Variants in PRDM7 observed in about 807,000 individuals in gnomAD.
PRDM7 encodes the protein histone-lysine N-methyltransferase PRDM7.
In PRDM7, 52 loss-of-function variants were observed where a neutral mutation model predicts 64.3. The observed-to-expected ratio is 0.81, with a 90% CI of 0.65 to 1.02. The LOEUF (loss-of-function observed/expected upper bound fraction) is 1.02, where lower values mean the gene tolerates loss of function less well. PRDM7 is among the 50% of genes least tolerant of loss of function. The pLI is 0.00. For missense variants in PRDM7, 574 were observed against 597.1 expected (o/e 0.96, Z 0.40); for synonymous variants, 192 against 210.1 (o/e 0.91, Z 0.74).
chr16:90,070,893 A>G (rs2037946760), intron 4 of PRDM7, among the ~76,000 whole-genome samples: 1 of 152,266 alleles, frequency 6.6e-6, no homozygotes. Context: ...TCAAAAGAAG[A>G]TACATAAATG....
At chr16:90,073,402 AT>A (rs536683798) in intron 4 of PRDM7, among the ~76,000 whole-genome samples, 247 of 141,594 alleles carry the variant, frequency 1.7e-3, no homozygotes, top group South Asian at 3.2e-3. Flanking sequence ...AAGAATGACA[AT>A]TTTTTTTTTT....
At chr16:90,061,825 C>A in intron 8 of PRDM7, 96 bp downstream of exon 8, 1 of 1,559,920 alleles carries the variant, frequency 6.4e-7, no homozygotes, top group Admixed American at 1.7e-5. Flanking sequence ...CCATGTTATC[C>A]CTACCTATAT....
At chr16:90,072,952 A>G (rs1410048022) in intron 4 of PRDM7, among the ~76,000 whole-genome samples, 5 of 152,208 alleles carry the variant, frequency 3.3e-5, no homozygotes, top group Non-Finnish European at 2.9e-5. Context: ...TCGTAGACCC[A>G]ATCCAAGTTG....
At chr16:90,074,412 A>C (rs1479526363) in intron 4 of PRDM7, among the ~76,000 whole-genome samples, 1 of 151,736 alleles carries the variant, frequency 6.6e-6, no homozygotes, top group Non-Finnish European at 1.5e-5. Flanking sequence ...CCCCATCTCT[A>C]CAAAAAATAC....
Position 90,075,578 on chromosome 16 carries a change from T to A in PRDM7, c.70-104A>T. 6.3e-7 allele frequency: 1 copy of A among 1,577,152 alleles called. No homozygotes were observed. The highest frequency in any genetic ancestry group is 2.2e-5 in the East Asian group (1 of 44,640). On this transcript the variant is annotated intron_variant, in intron 2 of 10. Transcript: ENST00000449207. The surrounding 1 kb of genome is among the most constrained non-coding windows in gnomAD (Gnocchi z 4.3). The stretch of plus-strand genomic sequence containing the variant: ...GCATAGCCTGGGGCCTCTGGGAGTC[T>A]CTGTGAAACATAAAGACCTTCCCTC...
chr16:90,073,973 A>C (rs2037998444), intron 4 of PRDM7, among the ~76,000 whole-genome samples: 1 of 151,804 alleles, frequency 6.6e-6, no homozygotes, highest in South Asian at 2.1e-4. Flanking sequence ...TTTAATAGAG[A>C]TGGGGTTTCA....
chr16:90,070,571 TGA>T (rs1223548801), intron 4 of PRDM7, among the ~76,000 whole-genome samples: 1 of 151,018 alleles, frequency 6.6e-6, no homozygotes, highest in East Asian at 1.9e-4. Context: ...GGCAACAGAA[TGA>T]GGCTGTCTAA....
chr16:90,063,320 C>T (rs1460004096), intron 6 of PRDM7, among the ~76,000 whole-genome samples: 1 of 152,086 alleles, frequency 6.6e-6, no homozygotes, highest in Admixed American at 6.5e-5. Context: ...CACCTATAAT[C>T]CCAGCTACTC....
intron 9 of PRDM7, 98 bp from the exon 10 acceptor site, chr16:90,060,721 T>C: frequency 6.5e-7 from 1 of 1,545,370 alleles, no homozygotes; most frequent in Non-Finnish European, 8.9e-7. Flanking sequence ...TTCCCTGCTG[T>C]GCCTAATCAG....
At chr16:90,073,125 A>G (rs1244299021) in intron 4 of PRDM7, among the ~76,000 whole-genome samples, 1 of 152,232 alleles carries the variant, frequency 6.6e-6, no homozygotes, top group Non-Finnish European at 1.5e-5. Flanking sequence ...GATCAGGGCA[A>G]CTAAACAGCT....
chr16:90,071,318 A>G (rs997071941), intron 4 of PRDM7, among the ~76,000 whole-genome samples: 8 of 152,106 alleles, frequency 5.3e-5, no homozygotes, highest in African/African-American at 1.9e-4. Flanking sequence ...TTTAGTAGAG[A>G]TGGGGTTTTG....
Position 90,057,736 on chromosome 16 carries a change from G to A in PRDM7, c.*553C>T. ...CACTCTCGGGGAATGTAAGGGGTTAGCAGACTTTCGCTGAAGCCACCTCAG... is the reference window on the plus strand; with the variant it reads ...CACTCTCGGGGAATGTAAGGGGTTAACAGACTTTCGCTGAAGCCACCTCAG... On this transcript the variant is annotated 3_prime_UTR_variant, in exon 11 of 11. Coordinates refer to ENST00000449207, the MANE Select transcript of PRDM7 (RefSeq NM_001098173.2). 2.4e-6 allele frequency: 3 copies of A among 1,263,002 alleles called. No individual in the cohort carries two copies. Among genetic ancestry groups the A allele is most frequent in the Non-Finnish European group, 3.1e-6 (3 of 975,580 alleles). 78.2% of individuals were successfully genotyped at this position (1,263,002 alleles called of 1,614,324 possible).
At chr16:90,063,879 T>A in intron 5 of PRDM7, 111 bp from the exon 6 acceptor site, 1 of 1,318,552 alleles carries the variant, frequency 7.6e-7, no homozygotes, top group Non-Finnish European at 1.1e-6. Flanking sequence ...TGGAAATACC[T>A]AGAGTGTCTA....
At chr16:90,069,539 G>A (rs181454109) in intron 4 of PRDM7, among the ~76,000 whole-genome samples, 2 of 151,342 alleles carry the variant, frequency 1.3e-5, no homozygotes, top group Admixed American at 1.3e-4. Context: ...CTTCTGTGTA[G>A]CAAAGAAAAC....
At chr16:90,067,339 C>A (rs1240711366) in intron 4 of PRDM7, among the ~76,000 whole-genome samples, 1 of 150,904 alleles carries the variant, frequency 6.6e-6, no homozygotes, top group Non-Finnish European at 1.5e-5. Flanking sequence ...TATCCAAGGG[C>A]AATTTGGAAA....
rs1421230095 is a variant in PRDM7, at chr16:90,072,168, T to A, written c.301+2748A>T. ...ATGGCGTGAACCCGGGAGTCAGAGC[T>A]TGCAGTGAGCCGAGATTGCGCCACT... On this transcript the variant is annotated intron_variant, in intron 4 of 10. Coordinates refer to ENST00000449207, the MANE Select transcript of PRDM7 (RefSeq NM_001098173.2). Among the ~76,000 whole-genome samples the A allele has an allele frequency of 2.0e-5, 3 of 151,890 alleles. No individual in the cohort carries two copies. In the East Asian group the frequency reaches 5.8e-4, roughly 29 times the overall value.
chr16:90,061,832 A>G (rs1313505052), intron 8 of PRDM7, 89 bp downstream of exon 8: 6 of 1,573,476 alleles, frequency 3.8e-6, no homozygotes, highest in African/African-American at 1.4e-5. Flanking sequence ...ATCCCTACCT[A>G]TATCCTAACA....
chr16:90,074,565 G>C (rs1182146066), intron 4 of PRDM7, among the ~76,000 whole-genome samples: 4 of 151,398 alleles, frequency 2.6e-5, no homozygotes, highest in Admixed American at 6.6e-5. Flanking sequence ...GACAGAGCAA[G>C]ACTCTGTCTT....
At chr16:90,064,619 G>A (rs1361491239) in intron 5 of PRDM7, among the ~76,000 whole-genome samples, 3 of 143,588 alleles carry the variant, frequency 2.1e-5, no homozygotes, top group African/African-American at 5.7e-5. Flanking sequence ...TCGCTAGTTT[G>A]GCCAGGCTGG....
Sources: gnomAD v4.1 joint callset for allele counts (sites outside exome capture counted in the v4.1 genomes callset) on GRCh38, gnomAD v4.1.1 for gene constraint, Gnocchi (gnomAD v3.1) non-coding constraint, MANE v1.5 for transcripts, NCBI Gene and HGNC (gene_info 2026-07-23, HGNC 2026-07-21) for gene names.